The following TMPRSS9 variants were observed in gnomAD, a reference collection of about 807,000 sequenced individuals.
TMPRSS9 encodes the protein transmembrane serine protease 9.
Under a neutral mutation model 111.4 loss-of-function variants are expected in TMPRSS9, and 113 were observed. The observed-to-expected ratio is 1.01, with a 90% confidence interval of 0.87 to 1.19. The LOEUF is 1.19. Ranked by LOEUF, TMPRSS9 falls within the 50% of genes most tolerant of loss-of-function variation. The pLI is 0.00. For missense variants in TMPRSS9, 1,803 were observed against 1,513.1 expected (o/e 1.19, Z -3.18); for synonymous variants, 805 against 659.1 (o/e 1.22, Z -3.39).
intron 1 of TMPRSS9, among the ~76,000 whole-genome samples, chr19:2,381,287 C>T (rs1215119134): frequency 6.6e-6 from 1 of 151,954 alleles, no homozygotes; most frequent in East Asian, 1.9e-4. Context: ...TTAGAGAACA[C>T]AGGAATCCTT....
chr19:2,378,388 C>G (rs971012978), intron 1 of TMPRSS9, among the ~76,000 whole-genome samples: 1 of 152,254 alleles, frequency 6.6e-6, no homozygotes, highest in African/African-American at 2.4e-5. Flanking sequence ...TAAGTGTTGA[C>G]GGGACACTGT....
At chr19:2,415,331 G>C (rs1971202734) in intron 10 of TMPRSS9, among the ~76,000 whole-genome samples, 1 of 152,062 alleles carries the variant, frequency 6.6e-6, no homozygotes, top group African/African-American at 2.4e-5. Flanking sequence ...CCGCCCCATG[G>C]GTCTCCTGGA....
At chr19:2,369,197 C>T (rs1177147317) in intron 1 of TMPRSS9, among the ~76,000 whole-genome samples, 1 of 152,024 alleles carries the variant, frequency 6.6e-6, no homozygotes, top group African/African-American at 2.4e-5. Flanking sequence ...GTGATCCACC[C>T]ATCTCCCAAA....
rs763323747 is a variant in TMPRSS9, at chr19:2,389,843, G to A, written c.58G>A (p.Ala20Thr). The change falls in exon 1 of 18, where the codon GCT (alanine) becomes ACT (threonine). Residue 20 changes from alanine (A) to threonine (T), a missense_variant. Coordinates refer to ENST00000648592, the Ensembl canonical transcript of TMPRSS9. Reference sequence around the variant, plus strand: ...GCCCAGGACAACCAAGGAAGTCCCCGCTCTGGATGCCGCGTGCTGTCGAGC... The same window carrying A: ...GCCCAGGACAACCAAGGAAGTCCCCACTCTGGATGCCGCGTGCTGTCGAGC... 157 of 1,614,008 alleles carry A rather than the reference G, an allele frequency of 9.7e-5. No individual in the cohort carries two copies. In the South Asian group the frequency reaches 1.1e-3, roughly 11 times the overall value.
intron 6 of TMPRSS9, among the ~76,000 whole-genome samples, chr19:2,404,419 T>C (rs1036255690): frequency 6.6e-6 from 1 of 152,036 alleles, no homozygotes; most frequent in African/African-American, 2.4e-5. Flanking sequence ...GGGTCACGCC[T>C]GTAATCCCAG....
intron 1 of TMPRSS9, among the ~76,000 whole-genome samples, chr19:2,390,137 C>G (rs897876623): frequency 1.3e-5 from 2 of 151,614 alleles, no homozygotes; most frequent in South Asian, 2.1e-4. Context: ...AAGAAGCTCC[C>G]GAAGGAAGTT....
chr19:2,392,542 C>CA (rs1321623479), intron 1 of TMPRSS9, among the ~76,000 whole-genome samples: 8 of 152,312 alleles, frequency 5.3e-5, no homozygotes, highest in East Asian at 1.9e-4. Context: ...CCTGTCTCTA[C>CA]AAAAAATGCA....
chr19:2,369,506 C>A (rs1970272935), intron 1 of TMPRSS9, among the ~76,000 whole-genome samples: 1 of 152,064 alleles, frequency 6.6e-6, no homozygotes, highest in African/African-American at 2.4e-5. Flanking sequence ...CTCACTGCAG[C>A]CTCAACCTCC....
intron 1 of TMPRSS9, among the ~76,000 whole-genome samples, chr19:2,366,567 T>C (rs1970248957): frequency 1.3e-5 from 2 of 152,010 alleles, no homozygotes; most frequent in African/African-American, 2.4e-5. Context: ...AGTTAAGACA[T>C]GGGCCAGGGG....
At position 2,422,208 on chromosome 19, in the gene TMPRSS9, C is replaced by T. The variant is rs549589070; in HGVS notation, c.2509C>T (p.Pro837Ser). The change falls in exon 14 of 18, where the codon CCA (proline) becomes TCA (serine). Residue 837 changes from proline (P) to serine (S), a missense_variant. Coordinates refer to ENST00000648592, the Ensembl canonical transcript of TMPRSS9. ...CACTGCTAGGGGACAGACGCCATTT[C>T]CAGACGCCCCGGAGGCCACCACACA... The T allele has an allele frequency of 2.0e-6, 3 of 1,526,864 alleles. No individual in the cohort carries two copies. In the Admixed American group the frequency reaches 6.2e-5, roughly 32 times the overall value. The allele number at this position is 1,526,864 out of a possible 1,614,324, so 94.6% of individuals were successfully genotyped here.
intron 1 of TMPRSS9, among the ~76,000 whole-genome samples, chr19:2,379,735 TCTC>T (rs1970371711): frequency 6.7e-6 from 1 of 149,808 alleles, no homozygotes; most frequent in African/African-American, 2.5e-5. Flanking sequence ...TCTCTTTCTC[TCTC>T]TCTCTCTCTC....
In TMPRSS9 at chr19:2,424,996, C is replaced by T. The variant is rs1239228676; in HGVS notation, c.2718-6C>T. On this transcript the variant is annotated splice_region_variant and splice_polypyrimidine_tract_variant and intron_variant, in intron 15 of 17. Coordinates refer to ENST00000648592, the Ensembl canonical transcript of TMPRSS9. Reference sequence around the variant, plus strand: ...GGGCCGACGCCTGTCCTCGCGCGCCCCGCAGCTACGGGGACCCCAAGCAGT... The same window carrying T: ...GGGCCGACGCCTGTCCTCGCGCGCCTCGCAGCTACGGGGACCCCAAGCAGT... The T allele has an allele frequency of 6.6e-7, 1 of 1,516,996 alleles. No individual in the cohort carries two copies. Among genetic ancestry groups the T allele is most frequent in the South Asian group, 1.2e-5 (1 of 82,650 alleles). The allele number at this position is 1,516,996 out of a possible 1,614,324, so 94.0% of individuals were successfully genotyped here.
rs573968048 is a variant in TMPRSS9, at chr19:2,421,433, C to T, written c.2155-421C>T. On this transcript the variant is annotated intron_variant, in intron 13 of 17. Transcript: ENST00000648592. ...CCTCCCTAGTAGGTGGAACTACAGG[C>T]GCCCACCACCACGCCCAGCTAATTT... Among the ~76,000 whole-genome samples, 7 of 151,690 alleles carry T rather than the reference C, an allele frequency of 4.6e-5. No individual in the cohort carries two copies. The South Asian group carries it at 6.3e-4, about 14-fold the overall frequency.
At chr19:2,387,151 GT>G (rs1212675744), upstream of TMPRSS9, among the ~76,000 whole-genome samples, 1 of 152,178 alleles carries the variant, frequency 6.6e-6, no homozygotes, top group Non-Finnish European at 1.5e-5. Flanking sequence ...GAGGTCAGGA[GT>G]TCAAAACCAG....
intron 1 of TMPRSS9, chr19:2,396,278 C>T (rs965829372): frequency 3.4e-5 from 13 of 385,790 alleles, no homozygotes; most frequent in African/African-American, 2.1e-4. Flanking sequence ...TGGCACTCAT[C>T]CACCTTGTGC....
chr19:2,362,628 G>A (rs538166469), intron 1 of TMPRSS9, among the ~76,000 whole-genome samples: 30 of 152,270 alleles, frequency 2.0e-4, no homozygotes, highest in Admixed American at 9.8e-4. Context: ...AATCGTGTCT[G>A]TATGACTGTG....
intron 1 of TMPRSS9, among the ~76,000 whole-genome samples, chr19:2,363,778 C>CTGTG (rs1491346219): frequency 0.13 from 15,563 of 118,080 alleles, 1,012 homozygotes; most frequent in Middle Eastern, 0.18. Context: ...ATTCCAAGAA[C>CTGTG]TCTGTGTGTG....
Position 2,392,574 on chromosome 19 carries a change from G to A in TMPRSS9, c.142+2647G>A, listed in dbSNP as rs534242656. Among the ~76,000 whole-genome samples the A allele has an allele frequency of 2.0e-5, 3 of 152,290 alleles. No homozygotes were observed. The South Asian group carries it at 6.2e-4, about 32-fold the overall frequency. On this transcript the variant is annotated intron_variant, in intron 1 of 17. Coordinates refer to ENST00000648592, the Ensembl canonical transcript of TMPRSS9. ...TGCAGAAAATTAGCCAGGGCCGGGC[G>A]AAGCCAGCTGGGCTCCTGAGTCGAG...
intron 4 of TMPRSS9, among the ~76,000 whole-genome samples, chr19:2,400,913 T>A (rs981081359): frequency 1.1e-4 from 15 of 130,616 alleles, no homozygotes; most frequent in African/African-American, 4.7e-4. Flanking sequence ...GAGGTGGAGG[T>A]TGCAGTGAGC....
Sources: gnomAD v4.1 joint callset for allele counts (sites outside exome capture counted in the v4.1 genomes callset) on GRCh38, gnomAD v4.1.1 for gene constraint, MANE v1.5 for transcripts, NCBI Gene and HGNC (gene_info 2026-07-23, HGNC 2026-07-21) for gene names.